The following ABCA5 variants were observed in gnomAD, a reference collection of about 807,000 sequenced individuals.
ABCA5 encodes the protein ATP binding cassette subfamily A member 5.
A neutral mutation model predicts 206.0 loss-of-function variants in ABCA5; 163 were observed. The observed-to-expected ratio is 0.79, with a 90% CI of 0.70 to 0.90. The LOEUF is 0.90. Among genes scored for constraint, ABCA5 ranks in the 40% least tolerant of loss-of-function variants. The pLI, the probability that ABCA5 is intolerant of heterozygous loss-of-function variation, is 0.00. For missense variants in ABCA5, 1,859 were observed against 1,912.9 expected (o/e 0.97, Z 0.53); for synonymous variants, 609 against 613.8 (o/e 0.99, Z 0.11).
intron 24 of ABCA5, among the ~76,000 whole-genome samples, chr17:69,263,367 A>G (rs1287899617): frequency 6.6e-6 from 1 of 152,154 alleles, no homozygotes; most frequent in Non-Finnish European, 1.5e-5. Flanking sequence ...TTGATGTCTT[A>G]CCCTTAAATC....
intron 20 of ABCA5, among the ~76,000 whole-genome samples, chr17:69,273,183 T>C (rs777467188): frequency 6.6e-6 from 1 of 152,040 alleles, no homozygotes; most frequent in Non-Finnish European, 1.5e-5. Flanking sequence ...ATCTAATATA[T>C]TCAATTAGAG....
chr17:69,274,655 C>T (rs2075310863), intron 19 of ABCA5, among the ~76,000 whole-genome samples: 2 of 151,298 alleles, frequency 1.3e-5, no homozygotes, highest in South Asian at 2.1e-4. Context: ...GGAGAGAAAG[C>T]CAATACTGTA....
At chr17:69,282,709 T>G (rs1204141942) in intron 18 of ABCA5, among the ~76,000 whole-genome samples, 1 of 148,684 alleles carries the variant, frequency 6.7e-6, no homozygotes, top group Non-Finnish European at 1.5e-5. Flanking sequence ...GAGGCGGAGG[T>G]TGCAGTGAGC....
At chr17:69,298,922 T>C (rs2075620846) in intron 9 of ABCA5, among the ~76,000 whole-genome samples, 2 of 152,176 alleles carry the variant, frequency 1.3e-5, no homozygotes, top group Non-Finnish European at 2.9e-5. Context: ...TATATATATA[T>C]GTTGACAAAG....
chr17:69,326,276 G>A lies in ABCA5; in HGVS notation c.-16+776C>T, dbSNP rs1231460690. Among the ~76,000 whole-genome samples, 1 of 152,204 alleles carries A rather than the reference G, an allele frequency of 6.6e-6. No individual in the cohort carries two copies. Among genetic ancestry groups the A allele is most frequent in the Non-Finnish European group, 1.5e-5 (1 of 68,032 alleles). ...ATACCGAGCCTGGCTTAAAGCTGTA[G>A]TCCAGCAAATACTCCTCTTCCCTTA... On this transcript the variant is annotated intron_variant, in intron 1 of 38. Transcript: ENST00000392676. The surrounding 1 kb of genome is among the most constrained non-coding windows in gnomAD (Gnocchi z 4.8).
In ABCA5 at chr17:69,260,382, C is replaced by T. The variant is rs1293352401; in HGVS notation, c.3595G>A (p.Asp1199Asn). Residue 1199 changes from aspartate (D) to asparagine (N), a missense_variant, in exon 27 of 39, where the codon GAC (aspartate) becomes AAC (asparagine). By Grantham distance (23) the Asp-to-Asn change is conservative. Transcript: ENST00000392676. ...ISWKNVRKNVDTYNPWDRLSV... is the reference protein window; with the variant it reads ...ISWKNVRKNVNTYNPWDRLSV... ...AGCCTATCCCATGGATTATAGGTGT[C>T]CACATTTTTTCGTACATTCTTCCAA... 6.2e-7 allele frequency: 1 copy of T among 1,608,066 alleles called. No homozygotes were observed. Among genetic ancestry groups the T allele is most frequent in the Admixed American group, 1.7e-5 (1 of 59,534 alleles).
At chr17:69,258,511 C>T (rs2075107958) in intron 28 of ABCA5, among the ~76,000 whole-genome samples, 1 of 152,040 alleles carries the variant, frequency 6.6e-6, no homozygotes, top group South Asian at 2.1e-4. Context: ...AGTGGATACA[C>T]ATGAACATAA....
chr17:69,290,084 G>A (rs1489493437), intron 12 of ABCA5, 47 bp from the exon 13 acceptor site: 3 of 1,286,118 alleles, frequency 2.3e-6, no homozygotes, highest in Non-Finnish European at 3.1e-6. Context: ...ATTTTATAAT[G>A]TGTATGTTTT....
chr17:69,284,103 C>CT, intron 17 of ABCA5, 31 bp from the exon 18 acceptor site: 2 of 1,468,718 alleles, frequency 1.4e-6, no homozygotes, highest in Non-Finnish European at 1.8e-6. Context: ...AATAGTATAT[C>CT]TTTAAGCATA....
rs1468206400 is a variant in ABCA5, at chr17:69,308,387, G to C, written c.470-19C>G. On this transcript the variant is annotated intron_variant, in intron 4 of 38. Transcript: ENST00000392676. ...CAGCCAGCTATGGGGGGAAGAATAT[G>C]AGATCTAAGATTCTGTACAACATGC... 2 of 1,547,746 alleles carry C rather than the reference G, an allele frequency of 1.3e-6. No homozygotes were observed. Among genetic ancestry groups the C allele is most frequent in the Non-Finnish European group, 1.8e-6 (2 of 1,120,680 alleles).
At chr17:69,298,349 A>AGG (rs879777702) in intron 9 of ABCA5, among the ~76,000 whole-genome samples, 70,477 of 133,814 alleles carry the variant, frequency 0.53, 25,847 homozygotes, top group Non-Finnish European at 0.65. Context: ...GAAGGAAGGA[A>AGG]AGAAGGAAAG....
At chr17:69,278,595 AT>A (rs35587110) in intron 18 of ABCA5, among the ~76,000 whole-genome samples, 1,650 of 152,312 alleles carry the variant, frequency 0.011, 115 homozygotes, top group Admixed American at 0.1. Context: ...GATCATACAG[AT>A]TATTAGCACA....
chr17:69,283,918 C>G, intron 18 of ABCA5, 35 bp downstream of exon 18: 1 of 1,590,976 alleles, frequency 6.3e-7, no homozygotes, highest in Non-Finnish European at 8.5e-7. Flanking sequence ...CTGTCTGATT[C>G]ATTGCCTAAA....
rs769108718 is a variant in ABCA5, at chr17:69,255,574, A to G, written c.4037T>C (p.Leu1346Pro). The G allele has an allele frequency of 1.3e-6, 2 of 1,580,358 alleles. No homozygotes were observed. The highest frequency in any genetic ancestry group is 1.4e-5 in the African/African-American group (1 of 73,090). ...TGAAGTTGGTTCAATATCACCAACC[A>G]GAATATTAATAATTGTGCTTTTGCC... ...GAGKSTIINI[L>P]VGDIEPTSGQ... Residue 1346 changes from leucine to proline, a missense_variant, in exon 31 of 39, where the codon CTG becomes CCG. By Grantham distance (98) the Leu-to-Pro change is moderately conservative. Coordinates refer to ENST00000392676, the MANE Select transcript of ABCA5 (RefSeq NM_172232.4).
At chr17:69,318,518 G>C (rs568264787) in intron 1 of ABCA5, among the ~76,000 whole-genome samples, 2 of 152,066 alleles carry the variant, frequency 1.3e-5, no homozygotes, top group Admixed American at 1.3e-4. Context: ...ATTAGCAATG[G>C]AATTAAAGAC....
intron 11 of ABCA5, among the ~76,000 whole-genome samples, chr17:69,292,379 C>T (rs981603745): frequency 4.6e-5 from 7 of 152,042 alleles, no homozygotes; most frequent in Non-Finnish European, 1.5e-5. Context: ...ATGCTAAATG[C>T]TATTTTTAAT....
intron 17 of ABCA5, among the ~76,000 whole-genome samples, chr17:69,284,826 T>C (rs78585868): frequency 2.0e-5 from 3 of 152,326 alleles, no homozygotes; most frequent in African/African-American, 7.2e-5. Flanking sequence ...AACATTTTGG[T>C]ATTATTAGAA....
At position 69,244,347 on chromosome 17, in the gene ABCA5, G is replaced by A. The variant is rs1364223735; in HGVS notation, c.*3190C>T. 6.6e-6 allele frequency: 1 copy of A among 151,926 alleles called. No homozygotes were observed. Among genetic ancestry groups the A allele is most frequent in the Non-Finnish European group, 1.5e-5 (1 of 67,948 alleles). 9.4% of individuals were successfully genotyped at this position (151,926 alleles called of 1,614,324 possible). A position where few individuals can be genotyped will look rare whatever the true frequency, so the allele number is the denominator to read the frequency against. ...GGTTTTTGCATCATTTTTAATATGAGCTACTCATTATTCAATTATCAGCAC... is the reference window on the plus strand; with the variant it reads ...GGTTTTTGCATCATTTTTAATATGAACTACTCATTATTCAATTATCAGCAC... On this transcript the variant is annotated 3_prime_UTR_variant, in exon 39 of 39. Transcript: ENST00000392676.
rs1362167056 is a variant in ABCA5 at position 69,291,267 on chromosome 17, C to T, written c.1555G>A (p.Gly519Arg). The T allele has an allele frequency of 6.2e-7, 1 of 1,611,560 alleles. No individual in the cohort carries two copies. The highest frequency in any genetic ancestry group is 1.3e-5 in the African/African-American group (1 of 74,818). The part of the protein sequence containing the change: ...ITALLGHSGT[G>R]KSTLMNILCG... ...AGAATATTCATCAATGTACTCTTTC[C>T]TGTTCCACTGTGGCCAAGTAAGGCA... The change falls in exon 12 of 39, where the codon GGA (glycine) becomes AGA (arginine). Residue 519 changes from glycine to arginine, a missense_variant. Gly to Arg is a moderately radical substitution (Grantham distance 125). Transcript: ENST00000392676.
Sources: allele counts gnomAD v4.1 joint callset (sites outside exome capture counted in the v4.1 genomes callset), GRCh38; gene constraint gnomAD v4.1.1; non-coding constraint Gnocchi (gnomAD v3.1); transcripts MANE v1.5; gene names NCBI Gene and HGNC (gene_info 2026-07-23, HGNC 2026-07-21).